The following ITPR1 variants were observed in gnomAD, a reference collection of about 807,000 sequenced individuals.
ITPR1 encodes the protein inositol 1,4,5-trisphosphate receptor type 1, also known as inositol 1,4,5-trisphosphate-gated calcium channel ITPR1.
A neutral mutation model predicts 318.4 loss-of-function variants in ITPR1; 96 were observed. The observed-to-expected ratio is 0.30, with a 90% confidence interval of 0.26 to 0.36. The LOEUF is 0.36. ITPR1 is among the 10% of genes least tolerant of loss of function. The pLI is 1.00. For missense variants in ITPR1, 2,440 were observed against 3,460.2 expected (o/e 0.71, Z 7.40); for synonymous variants, 1,312 against 1,289.9 (o/e 1.02, Z -0.37).
intron 4 of ITPR1, among the ~76,000 whole-genome samples, chr3:4,527,264 C>A (rs1229773782): frequency 6.6e-6 from 1 of 152,186 alleles, no homozygotes; most frequent in Non-Finnish European, 1.5e-5. Context: ...GCAGCCTCGA[C>A]CTTCTGGGTT....
At chr3:4,843,352 T>C (rs949614047) in intron 61 of ITPR1, among the ~76,000 whole-genome samples, 2 of 152,120 alleles carry the variant, frequency 1.3e-5, no homozygotes, top group African/African-American at 4.8e-5. Context: ...ATTACTTTTT[T>C]TAAAAAAAGT....
chr3:4,568,602 A>G (rs1224971397), intron 4 of ITPR1, among the ~76,000 whole-genome samples: 1 of 152,168 alleles, frequency 6.6e-6, no homozygotes. Context: ...ACATGGATAG[A>G]TAGTGACCAG....
chr3:4,675,469 G>A (rs964318265), intron 23 of ITPR1, among the ~76,000 whole-genome samples: 3 of 152,146 alleles, frequency 2.0e-5, no homozygotes, highest in Non-Finnish European at 4.4e-5. Context: ...TTCACGTTTT[G>A]CTGAATTTTA....
At chr3:4,737,767 G>C (rs992804672) in intron 44 of ITPR1, among the ~76,000 whole-genome samples, 2 of 152,180 alleles carry the variant, frequency 1.3e-5, no homozygotes, top group African/African-American at 4.8e-5. Flanking sequence ...TCTGATAAAA[G>C]AGTTCATATC....
At chr3:4,680,995 A>C (rs566427981) in intron 25 of ITPR1, among the ~76,000 whole-genome samples, 1 of 151,616 alleles carries the variant, frequency 6.6e-6, no homozygotes, top group Non-Finnish European at 1.5e-5. Context: ...GTAACAAAAA[A>C]CTCTCCAGGA....
At chr3:4,503,161 T>G (rs890367411) in intron 2 of ITPR1, among the ~76,000 whole-genome samples, 1 of 132,730 alleles carries the variant, frequency 7.5e-6, no homozygotes, top group African/African-American at 2.6e-5. Context: ...AGCATTTCCT[T>G]TTGATAGCTT....
chr3:4,529,468 T>A (rs373030177), intron 4 of ITPR1, among the ~76,000 whole-genome samples: 17 of 152,354 alleles, frequency 1.1e-4, no homozygotes, highest in African/African-American at 4.1e-4. Context: ...CTTTTTCTTT[T>A]GGCAAAGGGT....
At chr3:4,752,035 T>C (rs1279194897) in intron 44 of ITPR1, among the ~76,000 whole-genome samples, 1 of 152,246 alleles carries the variant, frequency 6.6e-6, no homozygotes. Flanking sequence ...TTCCTATTCC[T>C]GGGTTTTAGA....
intron 51 of ITPR1, among the ~76,000 whole-genome samples, chr3:4,784,472 T>C (rs2047035940): frequency 6.6e-6 from 1 of 151,574 alleles, no homozygotes. Flanking sequence ...CTATCAACCA[T>C]CCTTATGAGA....
intron 59 of ITPR1, among the ~76,000 whole-genome samples, 191 bp downstream of exon 59, chr3:4,815,409 A>T (rs1284949290): frequency 6.6e-6 from 1 of 152,190 alleles, no homozygotes; most frequent in Non-Finnish European, 1.5e-5. Context: ...TCTGCTGGGA[A>T]GTATTTACAG....
chr3:4,498,915 A>G (rs151033652), intron 2 of ITPR1, among the ~76,000 whole-genome samples: 1,625 of 152,350 alleles, frequency 0.011, 35 homozygotes, highest in African/African-American at 0.036. Context: ...TAGAAGCTTC[A>G]CATCAGTGAT....
chr3:4,702,204 A>G (rs777035318), intron 35 of ITPR1, among the ~76,000 whole-genome samples: 4 of 152,246 alleles, frequency 2.6e-5, no homozygotes, highest in Non-Finnish European at 5.9e-5. Flanking sequence ...ATACCTTTGT[A>G]GAAAGGAATA....
chr3:4,656,661 G>A (rs145130757), intron 12 of ITPR1, among the ~76,000 whole-genome samples: 334 of 152,326 alleles, frequency 2.2e-3, no homozygotes, highest in African/African-American at 7.6e-3. Context: ...TTCAGGCCCC[G>A]TAAGAGTTAG....
intron 4 of ITPR1, among the ~76,000 whole-genome samples, chr3:4,554,718 A>C (rs1490097363): frequency 6.6e-6 from 1 of 152,112 alleles, no homozygotes; most frequent in African/African-American, 2.4e-5. Flanking sequence ...AGTGACTCGA[A>C]ATATCTGTCT....
At chr3:4,611,051 C>CTCCT (rs1164265859) in intron 4 of ITPR1, among the ~76,000 whole-genome samples, 3 of 109,536 alleles carry the variant, frequency 2.7e-5, no homozygotes, top group Non-Finnish European at 5.7e-5. Context: ...CCCTCCCTCC[C>CTCCT]TCCCTCCCTT....
At chr3:4,793,271 T>C (rs888332862) in intron 52 of ITPR1, among the ~76,000 whole-genome samples, 3 of 152,240 alleles carry the variant, frequency 2.0e-5, no homozygotes, top group African/African-American at 7.2e-5. Context: ...TATCCTGCAG[T>C]ACACGCACTC....
At chr3:4,823,675 GA>G (rs2049872648) in intron 60 of ITPR1, among the ~76,000 whole-genome samples, 1 of 152,162 alleles carries the variant, frequency 6.6e-6, no homozygotes, top group Non-Finnish European at 1.5e-5. Flanking sequence ...TGAGTTAGGG[GA>G]AAAAGGAAAG....
At chr3:4,662,288 A>T in intron 15 of ITPR1, 46 bp downstream of exon 15, 1 of 1,429,930 alleles carries the variant, frequency 7.0e-7, no homozygotes, top group Non-Finnish European at 9.3e-7. Flanking sequence ...CCGCACTGAG[A>T]GTTTCTGACA....
chr3:4,792,380 T>A (rs1343961115), intron 52 of ITPR1, among the ~76,000 whole-genome samples: 1 of 152,236 alleles, frequency 6.6e-6, no homozygotes, highest in African/African-American at 2.4e-5. Flanking sequence ...TATTGCTGTA[T>A]AACAAATTGC....
Sources: allele counts gnomAD v4.1 joint callset (sites outside exome capture counted in the v4.1 genomes callset), GRCh38; gene constraint gnomAD v4.1.1; transcripts MANE v1.5; gene names NCBI Gene and HGNC (gene_info 2026-07-23, HGNC 2026-07-21).